Variants in SLC13A3 observed in about 807,000 individuals in gnomAD.
SLC13A3 encodes Na(+)/dicarboxylate cotransporter 3.
SLC13A3 carries 40 observed loss-of-function variants against 59.0 expected under a neutral mutation model. That is an observed-to-expected ratio of 0.68 (90% CI 0.53 to 0.88). SLC13A3 has a LOEUF of 0.88. Among genes scored for constraint, SLC13A3 ranks in the 40% least tolerant of loss-of-function variants. The pLI is 0.00. For synonymous variants in SLC13A3, 317 were observed against 330.3 expected, an observed-to-expected ratio of 0.96 and a Z score of 0.44; for missense variants, 699 against 783.2, an observed-to-expected ratio of 0.89 and a Z score of 1.28.
At chr20:46,629,719 C>T (rs765982273) in intron 1 of SLC13A3, among the ~76,000 whole-genome samples, 87 of 152,232 alleles carry the variant, frequency 5.7e-4, no homozygotes, top group Admixed American at 9.8e-4. Context: ...CACTTACTTC[C>T]TGAGTGCTGT....
chr20:46,603,454 A>AGT, intron 3 of SLC13A3, among the ~76,000 whole-genome samples: 1 of 151,938 alleles, frequency 6.6e-6, no homozygotes, highest in Non-Finnish European at 1.5e-5. Context: ...AGCTCACAAC[A>AGT]GCCTCGACAT....
In SLC13A3 at chr20:46,563,477, G is replaced by T; in HGVS notation, c.1569C>A (p.Leu523=). 1 of 1,614,154 alleles carries T rather than the reference G, an allele frequency of 6.2e-7. No homozygotes were observed. The highest frequency in any genetic ancestry group is 1.1e-5 in the South Asian group (1 of 91,074). Residue 523 remains leucine (L), a synonymous_variant, in exon 12 of 13, where the codon CTC becomes CTA. Coordinates refer to ENST00000279027, the MANE Select transcript of SLC13A3 (RefSeq NM_022829.6). ...GTVGCSFAFM[L]PVSTPPNSIA... is the part of the protein sequence containing the mutation. ...TGGAGTTGGGGGGCGTTGAGACCGG[G>T]AGCATGAAGGCAAAGGAGCAGCCGA... is the stretch of plus-strand genomic sequence containing the variant.
chr20:46,584,095 T>C, intron 8 of SLC13A3: 1 of 985,390 alleles, frequency 1.0e-6, no homozygotes, highest in Middle Eastern at 5.2e-4. Context: ...TACAGCCCAC[T>C]CACACCAGTG....
chr20:46,622,137 C>A (rs2062622105), intron 1 of SLC13A3, among the ~76,000 whole-genome samples: 1 of 152,170 alleles, frequency 6.6e-6, no homozygotes, highest in Admixed American at 6.5e-5. Flanking sequence ...CAGTCCCCAA[C>A]ACATTGATGG....
intron 1 of SLC13A3, among the ~76,000 whole-genome samples, chr20:46,661,461 C>T (rs961329518): frequency 1.3e-5 from 2 of 152,198 alleles, no homozygotes; most frequent in Admixed American, 6.5e-5. Context: ...TTTCCTTCAG[C>T]AGATCTGAGA....
chr20:46,622,214 C>T (rs2062622784), intron 1 of SLC13A3, among the ~76,000 whole-genome samples: 1 of 152,154 alleles, frequency 6.6e-6, no homozygotes, highest in Non-Finnish European at 1.5e-5. Flanking sequence ...TCTTTGCTGG[C>T]CACCATGCTG....
At chr20:46,597,413 T>C (rs1246431185) in intron 4 of SLC13A3, among the ~76,000 whole-genome samples, 1 of 152,120 alleles carries the variant, frequency 6.6e-6, no homozygotes, top group African/African-American at 2.4e-5. Context: ...GAATTATCAA[T>C]TTATGTTTTA....
chr20:46,570,591 A>C (rs1001432914), intron 10 of SLC13A3, among the ~76,000 whole-genome samples: 4 of 152,212 alleles, frequency 2.6e-5, no homozygotes, highest in African/African-American at 9.6e-5. Context: ...CAGCATCTAC[A>C]AGAGAGTGTC....
chr20:46,570,163 ATTTCT>A (rs1348568951), intron 10 of SLC13A3, among the ~76,000 whole-genome samples: 1 of 152,202 alleles, frequency 6.6e-6, no homozygotes, highest in Non-Finnish European at 1.5e-5. Context: ...CTGTTCCTTG[ATTTCT>A]TTAAGCGATT....
chr20:46,671,183 T>C (rs546428182), upstream of SLC13A3, among the ~76,000 whole-genome samples: 84 of 152,262 alleles, frequency 5.5e-4, no homozygotes, highest in Non-Finnish European at 8.7e-4. Flanking sequence ...GCCAAGGTCA[T>C]GTTTCCTTCC....
rs1358713146 is a variant in SLC13A3, at chr20:46,603,549, A to T, written c.542-3512T>A. Among the ~76,000 whole-genome samples, 24 of 126,372 alleles carry T rather than the reference A, an allele frequency of 1.9e-4. No homozygotes were observed. The South Asian group carries it at 3.9e-3, about 21-fold the overall frequency. 82.9% of individuals were successfully genotyped at this position (126,372 alleles called of 152,430 possible). A position where few individuals can be genotyped will look rare whatever the true frequency, so the allele number is the denominator to read the frequency against. On this transcript the variant is annotated intron_variant, in intron 3 of 12. Coordinates refer to ENST00000279027, the MANE Select transcript of SLC13A3 (RefSeq NM_022829.6). ...GCCACCATGCCCAGCTAATTGTTGT[A>T]TTTTTTTTTTTTTTTTTGGTAAAAA... is the stretch of plus-strand genomic sequence containing the variant.
intron 1 of SLC13A3, among the ~76,000 whole-genome samples, chr20:46,626,676 G>C (rs984981728): frequency 2.8e-4 from 43 of 152,300 alleles, no homozygotes; most frequent in African/African-American, 8.4e-4. Context: ...AAGAAGTGCT[G>C]CTGCCCCTCA....
intron 3 of SLC13A3, among the ~76,000 whole-genome samples, chr20:46,601,183 G>T (rs1236967557): frequency 6.6e-6 from 1 of 152,148 alleles, no homozygotes; most frequent in East Asian, 1.9e-4. Context: ...GGGACCCCCT[G>T]CAGGATTTAA....
intron 6 of SLC13A3, 46 bp downstream of exon 6, chr20:46,592,358 A>C (rs1302693875): frequency 6.2e-7 from 1 of 1,609,938 alleles, no homozygotes. Context: ...TAGAAACGCC[A>C]TTCCCTGCTT....
chr20:46,676,930 T>C (rs2122945438), intron 1 of SLC13A3, among the ~76,000 whole-genome samples: 1 of 152,218 alleles, frequency 6.6e-6, no homozygotes, highest in East Asian at 1.9e-4. Context: ...GCTTCTTTTC[T>C]TTTTTTGAGA....
At chr20:46,586,795 A>T (rs2062197520) in intron 8 of SLC13A3, among the ~76,000 whole-genome samples, 1 of 152,168 alleles carries the variant, frequency 6.6e-6, no homozygotes, top group African/African-American at 2.4e-5. Flanking sequence ...CATCCCCCAG[A>T]CCAGGGGTCA....
chr20:46,651,171 C>T, intron 1 of SLC13A3, 140 bp downstream of exon 1: 14 of 1,318,014 alleles, frequency 1.1e-5, no homozygotes, highest in Non-Finnish European at 1.4e-5. Context: ...CGGTCCGCGG[C>T]AGGTGCAAGG....
intron 1 of SLC13A3, among the ~76,000 whole-genome samples, chr20:46,665,664 C>T (rs1040103802): frequency 6.6e-6 from 1 of 152,124 alleles, no homozygotes; most frequent in Non-Finnish European, 1.5e-5. Context: ...ACATTTGGAC[C>T]GTTTGAACTT....
At chr20:46,646,799 G>A (rs1222656773) in intron 1 of SLC13A3, among the ~76,000 whole-genome samples, 1 of 152,132 alleles carries the variant, frequency 6.6e-6, no homozygotes, top group Non-Finnish European at 1.5e-5. Flanking sequence ...AAAATAACTG[G>A]GAAAGAATAT....
Sources: gnomAD v4.1 joint callset for allele counts (sites outside exome capture counted in the v4.1 genomes callset) on GRCh38, gnomAD v4.1.1 for gene constraint, MANE v1.5 for transcripts, NCBI Gene and HGNC (gene_info 2026-07-23, HGNC 2026-07-21) for gene names.